The following CFAP70 variants were observed in gnomAD, a reference collection of about 807,000 sequenced individuals.
CFAP70 encodes cilia and flagella associated protein 70.
A neutral mutation model predicts 137.6 loss-of-function variants in CFAP70; 81 were observed. That is an observed-to-expected ratio of 0.59 (90% CI 0.49 to 0.71). CFAP70 has a LOEUF of 0.71. Ranked by LOEUF, CFAP70 falls within the 30% of genes least tolerant of loss-of-function variation. The probability of loss-of-function intolerance (pLI) is 0.00; values close to 1 mark genes in which losing one functional copy is unlikely to be tolerated. For missense variants in CFAP70, 976 were observed against 1,226.7 expected (o/e 0.80, Z 3.05); for synonymous variants, 382 against 423.6 (o/e 0.90, Z 1.20).
chr10:73,344,686 TAC>T (rs1217178870), intron 5 of CFAP70, among the ~76,000 whole-genome samples: 2 of 152,200 alleles, frequency 1.3e-5, no homozygotes, highest in African/African-American at 4.8e-5. Context: ...ATCATTCCTA[TAC>T]CTAGAAATTT....
At chr10:73,299,573 A>T (rs10824001) in intron 13 of CFAP70, 32 bp downstream of exon 14, 132,109 of 1,588,582 alleles carry the variant, frequency 0.083, 8,210 homozygotes, top group East Asian at 0.29. Context: ...ATATCTTATT[A>T]CTTATCATTT....
intron 9 of CFAP70, among the ~76,000 whole-genome samples, chr10:73,321,549 G>T (rs780044433): frequency 6.6e-6 from 1 of 152,010 alleles, no homozygotes; most frequent in African/African-American, 2.4e-5. Flanking sequence ...AAAAATAGCT[G>T]TCCTAATAAC....
chr10:73,325,599 G>A (rs7098024), intron 8 of CFAP70, among the ~76,000 whole-genome samples: 10,834 of 152,056 alleles, frequency 0.071, 634 homozygotes, highest in East Asian at 0.3. Flanking sequence ...CCCATCTCAC[G>A]TGCAGGGACA....
At chr10:73,361,152 C>T (rs184027704), upstream of CFAP70, among the ~76,000 whole-genome samples, 344 of 152,118 alleles carry the variant, frequency 2.3e-3, 1 homozygote, top group Non-Finnish European at 4.2e-3. Context: ...GCACCCATCA[C>T]CACGCCCGGC....
chr10:73,342,438 G>A (rs749002602), intron 5 of CFAP70, among the ~76,000 whole-genome samples: 2 of 152,136 alleles, frequency 1.3e-5, no homozygotes, highest in Non-Finnish European at 2.9e-5. Flanking sequence ...AGCTACGTGG[G>A]AGGCTGAGGT....
At chr10:73,345,842 T>A (rs1157494976) in intron 4 of CFAP70, among the ~76,000 whole-genome samples, 2 of 151,994 alleles carry the variant, frequency 1.3e-5, no homozygotes, top group Admixed American at 1.3e-4. Flanking sequence ...CATGAGTAAG[T>A]GAGATTGGGT....
At chr10:73,308,596 C>T (rs1189417414) in intron 12 of CFAP70, among the ~76,000 whole-genome samples, 1 of 148,236 alleles carries the variant, frequency 6.7e-6, no homozygotes. Flanking sequence ...CCATTGCACT[C>T]CAGCTTGGGC....
At chr10:73,311,705 GACA>G in intron 11 of CFAP70, 126 bp downstream of exon 12, 1 of 797,700 alleles carries the variant, frequency 1.3e-6, no homozygotes, top group Non-Finnish European at 2.1e-6. Context: ...CAAAGTCATA[GACA>G]ACTAGTCATG....
chr10:73,317,407 T>C (rs538142853), intron 9 of CFAP70, among the ~76,000 whole-genome samples: 49 of 152,356 alleles, frequency 3.2e-4, no homozygotes, highest in African/African-American at 1.2e-3. Context: ...CTGGCTTCCA[T>C]TGTTTCAGAT....
intron 1 of CFAP70, among the ~76,000 whole-genome samples, chr10:73,355,788 T>A (rs986883018): frequency 6.6e-6 from 1 of 152,044 alleles, no homozygotes; most frequent in South Asian, 2.1e-4. Flanking sequence ...AACAAAAAAA[T>A]TTCATTATAT....
intron 19 of CFAP70, among the ~76,000 whole-genome samples, chr10:73,279,655 T>TC (rs1407354504): frequency 6.6e-6 from 1 of 152,020 alleles, no homozygotes; most frequent in Non-Finnish European, 1.5e-5. Flanking sequence ...GCTCAGGAGT[T>TC]CAAGACCAGC....
exon 24 of CFAP70, chr10:73,273,012 T>C: frequency 6.5e-7 from 1 of 1,550,304 alleles, no homozygotes. Context: ...TCTTTGCCTT[T>C]TCATACTGTA....
At chr10:73,285,112 T>G (rs2047594745) in intron 19 of CFAP70, among the ~76,000 whole-genome samples, 1 of 151,932 alleles carries the variant, frequency 6.6e-6, no homozygotes. Context: ...ATGGAACACA[T>G]GTACATTGCT....
At chr10:73,307,097 T>C (rs2049443739) in intron 12 of CFAP70, among the ~76,000 whole-genome samples, 1 of 152,134 alleles carries the variant, frequency 6.6e-6, no homozygotes, top group African/African-American at 2.4e-5. Context: ...TGGAGATGTA[T>C]AGGAGCAGAG....
intron 3 of CFAP70, 57 bp from the exon 4 acceptor site, chr10:73,348,578 AAGCTGC>A: frequency 8.9e-7 from 1 of 1,122,024 alleles, no homozygotes; most frequent in Non-Finnish European, 1.3e-6. Context: ...TCCGATAACC[AAGCTGC>A]AACAAACAAA....
intron 21 of CFAP70, chr10:73,276,720 T>C (rs7922397): frequency 0.11 from 16,043 of 152,278 alleles, 1,218 homozygotes; most frequent in East Asian, 0.3. Context: ...ATAGGCAGAC[T>C]TCCTAGAATG....
chr10:73,351,176 T>C (rs1738111772), intron 3 of CFAP70, among the ~76,000 whole-genome samples: 1 of 144,288 alleles, frequency 6.9e-6, no homozygotes, highest in Non-Finnish European at 1.5e-5. Flanking sequence ...TGGAGTGCAG[T>C]GGCGCAGTCT....
At chr10:73,340,354 T>A (rs1191083596) in intron 6 of CFAP70, among the ~76,000 whole-genome samples, 3 of 152,212 alleles carry the variant, frequency 2.0e-5, no homozygotes, top group Admixed American at 2.0e-4. Flanking sequence ...TGAGTCTGGC[T>A]GAGTCATGGG....
intron 19 of CFAP70, among the ~76,000 whole-genome samples, chr10:73,278,716 C>A (rs2046989797): frequency 6.6e-6 from 1 of 151,866 alleles, no homozygotes; most frequent in Non-Finnish European, 1.5e-5. Flanking sequence ...CGCGGTGGCT[C>A]ATGCCTGTAA....
Sources: allele counts gnomAD v4.1 joint callset (sites outside exome capture counted in the v4.1 genomes callset), GRCh38; gene constraint gnomAD v4.1.1; transcripts MANE v1.5; gene names NCBI Gene and HGNC (gene_info 2026-07-23, HGNC 2026-07-21).